The following SCNN1B variants were observed in gnomAD, a reference collection of about 807,000 sequenced individuals.
The protein encoded by SCNN1B is sodium channel epithelial 1 subunit beta.
SCNN1B carries 46 observed loss-of-function variants against 65.3 expected under a neutral mutation model. The observed-to-expected ratio is 0.70, with a 90% CI of 0.56 to 0.90. SCNN1B has a LOEUF of 0.90. Among genes scored for constraint, SCNN1B ranks in the 40% least tolerant of loss-of-function variants. SCNN1B has a pLI of 0.00. For synonymous variants in SCNN1B, 349 were observed against 330.6 expected (o/e 1.06, Z -0.60); for missense variants, 751 against 830.5 (o/e 0.90, Z 1.18).
chr16:23,331,200 A>G (rs1325847814), intron 1 of SCNN1B, among the ~76,000 whole-genome samples: 2 of 151,534 alleles, frequency 1.3e-5, no homozygotes, highest in African/African-American at 4.9e-5. Context: ...TGTCAGAATC[A>G]CTCCCTTCTT....
chr16:23,298,611 G>C (rs1029839381), upstream of SCNN1B, among the ~76,000 whole-genome samples: 1 of 152,170 alleles, frequency 6.6e-6, no homozygotes, highest in African/African-American at 2.4e-5. Flanking sequence ...CCAGAGTCAA[G>C]TTTTGCCTAC....
upstream of SCNN1B, among the ~76,000 whole-genome samples, chr16:23,301,571 G>A (rs1477510148): frequency 1.3e-5 from 2 of 152,156 alleles, no homozygotes; most frequent in Non-Finnish European, 2.9e-5. Flanking sequence ...GCAAGAAAGT[G>A]GCTGAAATGA....
In SCNN1B at chr16:23,380,014, G is replaced by C; in HGVS notation, c.1467-80G>C. On this transcript the variant is annotated intron_variant, in intron 11 of 12. Transcript: ENST00000343070. This position sits in a 1 kb window ranked among gnomAD's most constrained non-coding sequence, Gnocchi z 5.4. Reference sequence around the variant, plus strand: ...TGTGTGCACGTGCATGTGTGTGCATGTGTCTATGTGCGTGTGTGTGTGTCT... The same window carrying C: ...TGTGTGCACGTGCATGTGTGTGCATCTGTCTATGTGCGTGTGTGTGTGTCT... 2 of 1,037,388 alleles carry C rather than the reference G, an allele frequency of 1.9e-6. No individual in the cohort carries two copies. Among genetic ancestry groups the C allele is most frequent in the Non-Finnish European group, 3.1e-6 (2 of 654,038 alleles). 64.3% of individuals were successfully genotyped at this position (1,037,388 alleles called of 1,614,324 possible). A position where few individuals can be genotyped will look rare whatever the true frequency, so the allele number is the denominator to read the frequency against.
At chr16:23,289,426 G>A (rs1183411050) in intron 2 of SCNN1B, among the ~76,000 whole-genome samples, 3 of 152,076 alleles carry the variant, frequency 2.0e-5, no homozygotes, top group African/African-American at 7.2e-5. Context: ...GCATGGTGGT[G>A]TGTAGTCCTG....
At chr16:23,356,253 G>A (rs949895762) in intron 4 of SCNN1B, among the ~76,000 whole-genome samples, 2 of 152,200 alleles carry the variant, frequency 1.3e-5, no homozygotes, top group African/African-American at 4.8e-5. Context: ...TCTCATCTCT[G>A]AAGCAAGAAC....
intron 1 of SCNN1B, among the ~76,000 whole-genome samples, chr16:23,326,882 G>A (rs4967997): frequency 2.0e-5 from 3 of 151,990 alleles, no homozygotes; most frequent in African/African-American, 7.2e-5. Flanking sequence ...GTACCCATTA[G>A]GTAATTCCTC....
chr16:23,310,125 C>T (rs921493784), intron 1 of SCNN1B, among the ~76,000 whole-genome samples: 10 of 152,138 alleles, frequency 6.6e-5, no homozygotes, highest in African/African-American at 1.7e-4. Context: ...ACATGTAATT[C>T]CAGCACTCAG....
chr16:23,379,770 G>A (rs1201368472), intron 11 of SCNN1B, among the ~76,000 whole-genome samples: 1 of 152,214 alleles, frequency 6.6e-6, no homozygotes, highest in Non-Finnish European at 1.5e-5. Flanking sequence ...CTGGTAGTCA[G>A]GGGATGGAGA....
chr16:23,326,469 T>C (rs1042064319), intron 1 of SCNN1B, among the ~76,000 whole-genome samples: 14 of 152,148 alleles, frequency 9.2e-5, no homozygotes, highest in African/African-American at 3.4e-4. Flanking sequence ...TTGTTTTGTT[T>C]CTTTGTTTGT....
intron 1 of SCNN1B, among the ~76,000 whole-genome samples, chr16:23,327,936 T>A (rs865935800): frequency 6.6e-6 from 1 of 152,100 alleles, no homozygotes; most frequent in Admixed American, 6.6e-5. Flanking sequence ...GTCTTCCGGA[T>A]CAGTTGGCAA....
At chr16:23,316,533 T>G (rs1184754393) in intron 1 of SCNN1B, among the ~76,000 whole-genome samples, 3 of 141,154 alleles carry the variant, frequency 2.1e-5, no homozygotes, top group African/African-American at 8.1e-5. Context: ...AGGATCACCA[T>G]CACCACCATC....
chr16:23,349,213 G>A (rs578115465), intron 2 of SCNN1B, among the ~76,000 whole-genome samples: 1 of 152,054 alleles, frequency 6.6e-6, no homozygotes, highest in East Asian at 1.9e-4. Flanking sequence ...GCCAGGTGCA[G>A]TGGCCTGTAA....
rs72654358 is a variant in SCNN1B, at chr16:23,380,868, A to C, written c.*67A>C. ...AGCCAAGACTGTTGCCCGAGGCCTC[A>C]CTGTATGGTGCCCTCTCCAAAGGGT... On this transcript the variant is annotated 3_prime_UTR_variant, in exon 13 of 13. Transcript: ENST00000343070. This position sits in a 1 kb window ranked among gnomAD's most constrained non-coding sequence, Gnocchi z 5.4. The C allele has an allele frequency of 1.3e-6, 2 of 1,554,288 alleles. No individual in the cohort carries two copies. The highest frequency in any genetic ancestry group is 4.5e-5 in the East Asian group (2 of 44,652).
chr16:23,293,861 C>T (rs189849611), intron 2 of SCNN1B, among the ~76,000 whole-genome samples: 2 of 151,946 alleles, frequency 1.3e-5, no homozygotes, highest in African/African-American at 4.8e-5. Context: ...GAGGTGGAGG[C>T]TGCAGTGAGC....
chr16:23,282,246 T>C (rs1369244940), intron 1 of SCNN1B, among the ~76,000 whole-genome samples: 1 of 152,044 alleles, frequency 6.6e-6, no homozygotes, highest in East Asian at 1.9e-4. Context: ...TTTCAATAAA[T>C]AAAAACAGTG....
chr16:23,290,382 A>C (rs897834702), intron 2 of SCNN1B, among the ~76,000 whole-genome samples: 1 of 152,114 alleles, frequency 6.6e-6, no homozygotes, highest in Non-Finnish European at 1.5e-5. Flanking sequence ...ATCATGGCTC[A>C]CTGCAGCCTC....
intron 1 of SCNN1B, among the ~76,000 whole-genome samples, chr16:23,308,735 C>T (rs933920499): frequency 9.9e-5 from 15 of 152,110 alleles, no homozygotes; most frequent in East Asian, 1.9e-4. Flanking sequence ...CGGGTTCAAG[C>T]GATTCTCCTG....
rs912234608 is a variant in SCNN1B at position 23,285,665 on chromosome 16, A to T, written n.178+1861A>T. Among the ~76,000 whole-genome samples, 12 of 119,432 alleles carry T rather than the reference A, an allele frequency of 1.0e-4. 1 individual carries two copies. The East Asian group carries it at 1.2e-3, about 12-fold the overall frequency. 78.4% of individuals were successfully genotyped at this position (119,432 alleles called of 152,430 possible). A position where few individuals can be genotyped will look rare whatever the true frequency, so the allele number is the denominator to read the frequency against. ...AAGAGTAAAAAAACAATAATAATAA[A>T]AAAAAATAATAAAAAATACAATAAT... On this transcript the variant is annotated intron_variant and non_coding_transcript_variant, in intron 2 of 3. Coordinates refer to the SCNN1B transcript ENST00000569789.
At chr16:23,293,142 A>AAAAAG (rs1960950950) in intron 2 of SCNN1B, among the ~76,000 whole-genome samples, 1 of 147,756 alleles carries the variant, frequency 6.8e-6, no homozygotes, top group South Asian at 2.1e-4. Context: ...AAAAAAAAAA[A>AAAAAG]GTGAGACTTA....
Sources: allele counts gnomAD v4.1 joint callset (sites outside exome capture counted in the v4.1 genomes callset), GRCh38; gene constraint gnomAD v4.1.1; non-coding constraint Gnocchi (gnomAD v3.1); transcripts MANE v1.5; gene names NCBI Gene and HGNC (gene_info 2026-07-23, HGNC 2026-07-21).